The following TC2N variants were observed in gnomAD, a reference collection of about 807,000 sequenced individuals.
The protein encoded by TC2N is tandem C2 domains nuclear protein.
A neutral mutation model predicts 61.9 loss-of-function variants in TC2N; 51 were observed. The ratio of observed to expected loss-of-function variants is 0.82; its 90% CI spans 0.66 to 1.04. The LOEUF (loss-of-function observed/expected upper bound fraction) is 1.04, where lower values mean the gene tolerates loss of function less well. TC2N is among the 50% of genes least tolerant of loss of function. The probability of loss-of-function intolerance (pLI) is 0.00; values close to 1 mark genes in which losing one functional copy is unlikely to be tolerated. For missense variants in TC2N, 556 were observed against 566.7 expected, an observed-to-expected ratio of 0.98 and a Z score of 0.19; for synonymous variants, 204 against 192.6, an observed-to-expected ratio of 1.06 and a Z score of -0.49.
chr14:91,860,514 C>T (rs190232445), intron 1 of TC2N, among the ~76,000 whole-genome samples: 11 of 152,314 alleles, frequency 7.2e-5, no homozygotes, highest in African/African-American at 2.6e-4. Flanking sequence ...CATTGATTAG[C>T]ATCTTCATGG....
At chr14:91,828,120 A>T (rs1887582065) in intron 1 of TC2N, among the ~76,000 whole-genome samples, 3 of 152,080 alleles carry the variant, frequency 2.0e-5, no homozygotes, top group South Asian at 2.1e-4. Context: ...AATATCCTTT[A>T]TGATTTACTT....
intron 1 of TC2N, among the ~76,000 whole-genome samples, chr14:91,828,886 C>A (rs1253108182): frequency 6.6e-6 from 1 of 151,864 alleles, no homozygotes; most frequent in African/African-American, 2.4e-5. Flanking sequence ...GTGTTAGCAA[C>A]CATTGATCAT....
intron 1 of TC2N, among the ~76,000 whole-genome samples, chr14:91,851,311 C>T (rs1229298449): frequency 6.6e-6 from 1 of 152,164 alleles, no homozygotes; most frequent in Admixed American, 6.5e-5. Flanking sequence ...TGGCAACTTA[C>T]GTTGGTCTTG....
At chr14:91,816,768 TA>T (rs1887020795) in intron 1 of TC2N, among the ~76,000 whole-genome samples, 1 of 151,938 alleles carries the variant, frequency 6.6e-6, no homozygotes, top group Admixed American at 6.6e-5. Flanking sequence ...CACCACATAT[TA>T]AAAATTCCAT....
intron 1 of TC2N, among the ~76,000 whole-genome samples, chr14:91,815,202 T>C (rs1886954559): frequency 6.6e-6 from 1 of 151,600 alleles, no homozygotes; most frequent in Admixed American, 6.6e-5. Flanking sequence ...TTTCACCTGA[T>C]CTATCTAAAT....
At chr14:91,843,354 T>C (rs1295553610) in intron 1 of TC2N, among the ~76,000 whole-genome samples, 1 of 152,152 alleles carries the variant, frequency 6.6e-6, no homozygotes, top group Non-Finnish European at 1.5e-5. Flanking sequence ...TCCAGACCAA[T>C]GTGCCCAGGA....
chr14:91,844,187 C>A (rs1326343111), intron 1 of TC2N, among the ~76,000 whole-genome samples: 4 of 152,194 alleles, frequency 2.6e-5, no homozygotes, highest in African/African-American at 9.7e-5. Flanking sequence ...GCCAGAGAGG[C>A]ATACCCTTCC....
chr14:91,848,860 C>T (rs939024941), intron 1 of TC2N, among the ~76,000 whole-genome samples: 1 of 152,202 alleles, frequency 6.6e-6, no homozygotes, highest in Non-Finnish European at 1.5e-5. Context: ...TCATAGTCAT[C>T]ATCTCCCCAA....
intron 1 of TC2N, among the ~76,000 whole-genome samples, chr14:91,829,810 G>C (rs1052159103): frequency 2.0e-5 from 3 of 152,108 alleles, no homozygotes; most frequent in Non-Finnish European, 4.4e-5. Context: ...AAAAATGAAA[G>C]TATACTCCAG....
At chr14:91,831,116 T>C (rs915876440) in intron 1 of TC2N, among the ~76,000 whole-genome samples, 8 of 152,178 alleles carry the variant, frequency 5.3e-5, no homozygotes, top group Non-Finnish European at 1.2e-4. Flanking sequence ...ACGTTTAGCT[T>C]TCTCTTAGAT....
intron 1 of TC2N, among the ~76,000 whole-genome samples, chr14:91,865,891 A>C (rs1888691321): frequency 6.6e-6 from 1 of 152,132 alleles, no homozygotes; most frequent in African/African-American, 2.4e-5. Context: ...AAAGTTATTA[A>C]AGTTTTAGAT....
Position 91,847,012 on chromosome 14 carries a change from CTT to C in TC2N, c.-57+20248_-57+20249del, listed in dbSNP as rs1273505079. 3.9e-5 allele frequency among the ~76,000 whole-genome samples: 6 copies of C among 152,328 alleles called. 1 individual carries two copies. On this transcript the variant is annotated intron_variant, in intron 1 of 11. Transcript: ENST00000435962. ...GTGGCTCACGCCTATAATCCCAACT[CTT>C]TGGGAGGCCGAGGCAGGCGGATCAC...
At chr14:91,812,092 A>T (rs1886793880) in intron 3 of TC2N, 1 of 266,488 alleles carries the variant, frequency 3.8e-6, no homozygotes, top group Non-Finnish European at 6.9e-6. Flanking sequence ...TTATTTCTTG[A>T]AAAAAGGCCA....
intron 1 of TC2N, among the ~76,000 whole-genome samples, chr14:91,847,748 C>T (rs189233716): frequency 5.6e-4 from 85 of 152,260 alleles, no homozygotes; most frequent in Admixed American, 1.9e-3. Context: ...AACTAAATAA[C>T]GATAAAATGC....
At chr14:91,800,444 A>C (rs919473963) in intron 4 of TC2N, 72 bp from the exon 5 acceptor site, 2 of 783,078 alleles carry the variant, frequency 2.6e-6, no homozygotes, top group African/African-American at 3.6e-5. Context: ...CATGAACTAA[A>C]TCTCTGTAGC....
intron 1 of TC2N, among the ~76,000 whole-genome samples, chr14:91,820,864 T>A (rs1347839844): frequency 2.6e-5 from 4 of 151,992 alleles, no homozygotes; most frequent in African/African-American, 9.7e-5. Context: ...ATAACATTTT[T>A]AAAAACTTAA....
chr14:91,799,048 G>C lies in TC2N; in HGVS notation c.578C>G (p.Ser193Cys), dbSNP rs1249461265. 6.3e-7 allele frequency: 1 copy of C among 1,580,950 alleles called. No individual in the cohort carries two copies. The highest frequency in any genetic ancestry group is 8.6e-7 in the Non-Finnish European group (1 of 1,168,312). ...TGAAGAAGAACTACTGGGTACACTG[G>C]ACAATGAATCATGTCTCTATAAATA... ...QRFIQRHDSL[S>C]SVPSSSSSRK... The change falls in exon 6 of 12, where the codon TCC becomes TGC. Residue 193 changes from serine (S) to cysteine (C), a missense_variant. Ser to Cys is a moderately radical substitution (Grantham distance 112, BLOSUM62 -1). Transcript: ENST00000435962.
intron 1 of TC2N, among the ~76,000 whole-genome samples, chr14:91,833,043 A>G (rs1291858841): frequency 1.3e-5 from 2 of 152,236 alleles, no homozygotes; most frequent in East Asian, 3.8e-4. Flanking sequence ...GAATGCATAG[A>G]CATGTGGTAA....
At chr14:91,791,815 A>G (rs905078928) in intron 9 of TC2N, among the ~76,000 whole-genome samples, 1 of 152,202 alleles carries the variant, frequency 6.6e-6, no homozygotes, top group African/African-American at 2.4e-5. Context: ...TAAAACATTA[A>G]TAAGAAATGT....
Sources: gnomAD v4.1 joint callset for allele counts (sites outside exome capture counted in the v4.1 genomes callset) on GRCh38, gnomAD v4.1.1 for gene constraint, MANE v1.5 for transcripts, NCBI Gene and HGNC (gene_info 2026-07-23, HGNC 2026-07-21) for gene names.